PTPRM: variants seen among roughly 807,000 people sequenced by gnomAD.
PTPRM encodes the protein protein tyrosine phosphatase receptor type M.
In PTPRM, 47 loss-of-function variants were observed where a neutral mutation model predicts 186.7. That is an observed-to-expected ratio of 0.25 (90% CI 0.20 to 0.32). The LOEUF (loss-of-function observed/expected upper bound fraction) is 0.32. Among genes scored for constraint, PTPRM ranks in the 10% least tolerant of loss-of-function variants. The pLI is 1.00. For synonymous variants in PTPRM, 668 were observed against 674.9 expected, an observed-to-expected ratio of 0.99 and a Z score of 0.16; for missense variants, 1,494 against 1,865.0, an observed-to-expected ratio of 0.80 and a Z score of 3.66.
intron 9 of PTPRM, among the ~76,000 whole-genome samples, chr18:8,079,993 C>T (rs563472128): frequency 1.3e-5 from 2 of 152,166 alleles, no homozygotes; most frequent in South Asian, 4.1e-4. Flanking sequence ...AAAAAAAATT[C>T]ACCCAGCATG....
At chr18:7,783,644 T>G (rs1242056310) in intron 2 of PTPRM, among the ~76,000 whole-genome samples, 3 of 152,018 alleles carry the variant, frequency 2.0e-5, no homozygotes, top group Non-Finnish European at 4.4e-5. Flanking sequence ...TGATCATAGC[T>G]CACTGCAGCA....
At chr18:7,984,600 T>TACACAC (rs1364395082) in intron 7 of PTPRM, among the ~76,000 whole-genome samples, 26 of 110,960 alleles carry the variant, frequency 2.3e-4, no homozygotes, top group African/African-American at 9.4e-4. Context: ...TATATATATA[T>TACACAC]ATACACACAC....
chr18:7,797,144 G>A (rs930279359), intron 2 of PTPRM, among the ~76,000 whole-genome samples: 4 of 152,284 alleles, frequency 2.6e-5, no homozygotes, highest in Admixed American at 2.6e-4. Context: ...TACTTGAGTC[G>A]AGTGTCTAGG....
chr18:8,101,079 T>C (rs565659727), intron 11 of PTPRM, among the ~76,000 whole-genome samples: 51 of 152,278 alleles, frequency 3.3e-4, no homozygotes, highest in African/African-American at 1.2e-3. Context: ...ATCCCAGCAA[T>C]AAGAGAAGGC....
At chr18:8,211,528 C>T (rs1362230657) in intron 14 of PTPRM, among the ~76,000 whole-genome samples, 2 of 150,152 alleles carry the variant, frequency 1.3e-5, no homozygotes. Context: ...CTCAGCCTCC[C>T]GAGTAGCTGG....
chr18:7,683,854 A>G (rs2039535080), intron 1 of PTPRM, among the ~76,000 whole-genome samples: 2 of 152,254 alleles, frequency 1.3e-5, no homozygotes, highest in South Asian at 2.1e-4. Flanking sequence ...GCTCTGGGGA[A>G]GAATGCACCC....
At chr18:8,263,581 T>A (rs1486673743) in intron 19 of PTPRM, among the ~76,000 whole-genome samples, 1 of 152,204 alleles carries the variant, frequency 6.6e-6, no homozygotes, top group Non-Finnish European at 1.5e-5. Context: ...ATGCTAATGT[T>A]GACTTAGAGT....
At chr18:8,320,287 G>A (rs939228568) in intron 22 of PTPRM, among the ~76,000 whole-genome samples, 154 of 152,270 alleles carry the variant, frequency 1.0e-3, no homozygotes, top group African/African-American at 3.6e-3. Context: ...AGGCTTGGAC[G>A]AAGGGCAATC....
intron 2 of PTPRM, among the ~76,000 whole-genome samples, chr18:7,841,452 A>G (rs1205271623): frequency 6.6e-6 from 1 of 151,494 alleles, no homozygotes; most frequent in African/African-American, 2.4e-5. Context: ...CCACCACGCC[A>G]GGCTAGTTTT....
intron 1 of PTPRM, among the ~76,000 whole-genome samples, chr18:7,596,912 G>A (rs937899889): frequency 6.6e-6 from 1 of 150,678 alleles, no homozygotes; most frequent in Non-Finnish European, 1.5e-5. Context: ...GGAGTGCATT[G>A]GCACAATTTC....
chr18:8,046,161 C>A (rs1015856356), intron 7 of PTPRM, among the ~76,000 whole-genome samples: 2 of 152,126 alleles, frequency 1.3e-5, no homozygotes, highest in Non-Finnish European at 2.9e-5. Flanking sequence ...GAAGAGGTAC[C>A]TTCTGCCATG....
chr18:7,579,711 T>C (rs2036793311), intron 1 of PTPRM, among the ~76,000 whole-genome samples: 1 of 152,218 alleles, frequency 6.6e-6, no homozygotes, highest in South Asian at 2.1e-4. Context: ...ATTTGCCAAT[T>C]TGAGCTGCAT....
chr18:8,319,114 A>G (rs372408493), intron 21 of PTPRM, 64 bp from the exon 22 acceptor site: 94 of 1,137,156 alleles, frequency 8.3e-5, no homozygotes, highest in Admixed American at 7.9e-4. Context: ...CAAAGTTAGC[A>G]TGCGACTTAT....
intron 23 of PTPRM, among the ~76,000 whole-genome samples, chr18:8,352,614 T>C (rs1183646239): frequency 1.3e-5 from 2 of 150,796 alleles, no homozygotes; most frequent in Non-Finnish European, 3.0e-5. Flanking sequence ...AAGGACATGA[T>C]TTCATTCTTT....
rs530182404 is a variant in PTPRM, at chr18:7,870,724, AT to A, written c.197-17374del. On this transcript the variant is annotated intron_variant, in intron 2 of 32. Transcript: ENST00000580170. ...TATTTGAAATATAAAATCACTGAAG[AT>A]TTTTTTTCCTCAACGATTTAAAAAT... Among the ~76,000 whole-genome samples, 5 of 152,082 alleles carry A rather than the reference AT, an allele frequency of 3.3e-5. No homozygotes were observed. In the South Asian group the frequency reaches 8.3e-4, roughly 25 times the overall value.
intron 7 of PTPRM, among the ~76,000 whole-genome samples, chr18:8,014,841 C>T (rs549612224): frequency 9.2e-5 from 14 of 152,102 alleles, no homozygotes; most frequent in African/African-American, 2.7e-4. Flanking sequence ...ATAGCTCATT[C>T]TTTAAGTTGC....
At chr18:7,840,920 A>G (rs142781767) in intron 2 of PTPRM, among the ~76,000 whole-genome samples, 5 of 152,328 alleles carry the variant, frequency 3.3e-5, no homozygotes, top group African/African-American at 1.2e-4. Flanking sequence ...GGCTTCACTT[A>G]TTTTTTGTGT....
At chr18:7,998,999 T>C (rs181378876) in intron 7 of PTPRM, among the ~76,000 whole-genome samples, 57 of 152,330 alleles carry the variant, frequency 3.7e-4, no homozygotes, top group African/African-American at 1.3e-3. Context: ...ATTGTATACT[T>C]TATGAATTTT....
intron 1 of PTPRM, among the ~76,000 whole-genome samples, chr18:7,571,328 A>T (rs1214501237): frequency 6.6e-6 from 1 of 152,198 alleles, no homozygotes; most frequent in Non-Finnish European, 1.5e-5. Context: ...TTTAGTGTTC[A>T]CTAAAAATAA....
Sources: allele counts gnomAD v4.1 joint callset (sites outside exome capture counted in the v4.1 genomes callset), GRCh38; gene constraint gnomAD v4.1.1; transcripts MANE v1.5; gene names NCBI Gene and HGNC (gene_info 2026-07-23, HGNC 2026-07-21).